Variants in STK32A observed in about 807,000 individuals in gnomAD.
The protein encoded by STK32A is serine/threonine kinase 32A, also known as serine/threonine-protein kinase 32A.
Under a neutral mutation model 53.2 loss-of-function variants are expected in STK32A, and 41 were observed. That is an observed-to-expected ratio of 0.77 (90% CI 0.60 to 1.00). The LOEUF is 1.00. Among genes scored for constraint, STK32A ranks in the 50% least tolerant of loss-of-function variants. The pLI is 0.00. For synonymous variants in STK32A, 166 were observed against 162.8 expected (o/e 1.02, Z -0.15); for missense variants, 458 against 485.8 (o/e 0.94, Z 0.54).
chr5:147,325,535 G>C (rs1385539113), intron 5 of STK32A, among the ~76,000 whole-genome samples: 1 of 152,142 alleles, frequency 6.6e-6, no homozygotes, highest in Non-Finnish European at 1.5e-5. Flanking sequence ...GGTACCACAG[G>C]CCAGTTCTTT....
At position 147,324,851 on chromosome 5, in the gene STK32A, A is replaced by G. The variant is rs1225738241; in HGVS notation, c.434+780A>G. Among the ~76,000 whole-genome samples, 5 of 152,218 alleles carry G rather than the reference A, an allele frequency of 3.3e-5. No homozygotes were observed. In the East Asian group the frequency reaches 9.6e-4, roughly 29 times the overall value. ...AACATCAAAACATCTACTAATCAAC[A>G]TCAAAACAACTAGTGTTTACTGGTT... On this transcript the variant is annotated intron_variant, in intron 5 of 12. Transcript: ENST00000397936.
chr5:147,337,160 C>T (rs948920972), intron 5 of STK32A, among the ~76,000 whole-genome samples: 1 of 152,108 alleles, frequency 6.6e-6, no homozygotes, highest in African/African-American at 2.4e-5. Flanking sequence ...ATTGTATTTC[C>T]ACTCTGCTAT....
chr5:147,344,912 A>T (rs1340156202), intron 6 of STK32A, among the ~76,000 whole-genome samples: 1 of 152,188 alleles, frequency 6.6e-6, no homozygotes, highest in Non-Finnish European at 1.5e-5. Flanking sequence ...GGTCTCATCC[A>T]TGGCTTCACC....
At chr5:147,239,267 A>G (rs1753461864) in intron 1 of STK32A, among the ~76,000 whole-genome samples, 1 of 152,216 alleles carries the variant, frequency 6.6e-6, no homozygotes, top group African/African-American at 2.4e-5. Context: ...GTTGTTGAAT[A>G]AAGTATTGCT....
downstream of STK32A, among the ~76,000 whole-genome samples, chr5:147,389,395 T>A (rs1216545264): frequency 6.6e-6 from 1 of 152,168 alleles, no homozygotes; most frequent in South Asian, 2.1e-4. Context: ...GCCAGGTATG[T>A]TATCCGGTGT....
intron 4 of STK32A, among the ~76,000 whole-genome samples, chr5:147,310,505 C>G (rs778724194): frequency 1.3e-5 from 2 of 152,126 alleles, no homozygotes; most frequent in African/African-American, 4.8e-5. Flanking sequence ...TGACTCAGCA[C>G]GCCGGGCACC....
chr5:147,332,603 G>A (rs1424914490), intron 5 of STK32A, among the ~76,000 whole-genome samples: 1 of 152,090 alleles, frequency 6.6e-6, no homozygotes, highest in Non-Finnish European at 1.5e-5. Context: ...CATCTGTGGA[G>A]TGCTTAAGAA....
chr5:147,243,534 C>T lies in STK32A; in HGVS notation c.52+3848C>T, dbSNP rs956194835. On this transcript the variant is annotated intron_variant, in intron 2 of 12. Coordinates refer to ENST00000397936, the MANE Select transcript of STK32A (RefSeq NM_001112724.2). ...CGGGCAGATCACGAGGTCAAGAGAT[C>T]GAAACCATCCTGGCCAACATGGTGA... Among the ~76,000 whole-genome samples the T allele has an allele frequency of 5.2e-5, 7 of 135,420 alleles. 2 individuals carry two copies. The highest frequency in any genetic ancestry group is 8.1e-5 in the Non-Finnish European group (5 of 61,886). 88.8% of individuals were successfully genotyped at this position (135,420 alleles called of 152,430 possible).
intron 5 of STK32A, among the ~76,000 whole-genome samples, chr5:147,330,781 T>G (rs1754829903): frequency 6.6e-6 from 1 of 152,252 alleles, no homozygotes; most frequent in Non-Finnish European, 1.5e-5. Flanking sequence ...CCAAGAAGGC[T>G]GCCCACCTGT....
At position 147,384,622 on chromosome 5, in the gene STK32A, T is replaced by C; in HGVS notation, c.*639T>C. Reference sequence around the variant, plus strand: ...GTGCACACCACTTCCCAGCTCCCTCTTCAACAATGTGAAAGTGGTAACTTG... The same window carrying C: ...GTGCACACCACTTCCCAGCTCCCTCCTCAACAATGTGAAAGTGGTAACTTG... On this transcript the variant is annotated 3_prime_UTR_variant, in exon 13 of 13. Coordinates refer to ENST00000397936, the MANE Select transcript of STK32A (RefSeq NM_001112724.2). 2.2e-6 allele frequency: 1 copy of C among 451,652 alleles called. No individual in the cohort carries two copies. 28.0% of individuals were successfully genotyped at this position (451,652 alleles called of 1,614,324 possible). A position where few individuals can be genotyped will look rare whatever the true frequency, so the allele number is the denominator to read the frequency against.
At chr5:147,278,693 C>T (rs1208167039) in intron 3 of STK32A, among the ~76,000 whole-genome samples, 3 of 152,154 alleles carry the variant, frequency 2.0e-5, no homozygotes, top group South Asian at 2.1e-4. Flanking sequence ...TGGAGACATA[C>T]TTTAAGAGAA....
chr5:147,360,450 CAA>C (rs56690647), intron 7 of STK32A, among the ~76,000 whole-genome samples: 24 of 81,172 alleles, frequency 3.0e-4, no homozygotes, highest in African/African-American at 4.0e-4. Flanking sequence ...GATTCTGTCT[CAA>C]AAAAAAAAAA....
chr5:147,400,793 T>C, the STK32A span: 1 of 1,614,170 alleles, frequency 6.2e-7, no homozygotes, highest in Non-Finnish European at 8.5e-7. Context: ...TGGGCAGTGC[T>C]GAAGGTGCAG....
intron 7 of STK32A, among the ~76,000 whole-genome samples, chr5:147,356,839 C>T (rs1396424347): frequency 6.6e-6 from 1 of 151,972 alleles, no homozygotes; most frequent in African/African-American, 2.4e-5. Context: ...CACTTCTGGT[C>T]CCAAGTATTT....
intron 5 of STK32A, among the ~76,000 whole-genome samples, chr5:147,339,899 G>A (rs959945543): frequency 1.3e-5 from 2 of 152,166 alleles, no homozygotes; most frequent in South Asian, 4.1e-4. Context: ...GATTTTACAG[G>A]CTCATAGGCA....
At chr5:147,283,286 G>A (rs141724316) in intron 4 of STK32A, among the ~76,000 whole-genome samples, 21 of 152,176 alleles carry the variant, frequency 1.4e-4, no homozygotes, top group African/African-American at 4.8e-4. Context: ...CTAGGATACA[G>A]CAAAGGCGGT....
At chr5:147,292,035 A>G (rs922366267) in intron 4 of STK32A, among the ~76,000 whole-genome samples, 11 of 152,220 alleles carry the variant, frequency 7.2e-5, no homozygotes, top group Non-Finnish European at 1.3e-4. Context: ...TGCCTGTAGC[A>G]TCTACATAAA....
chr5:147,367,135 G>A lies in STK32A; in HGVS notation c.661-3519G>A, dbSNP rs1472418942. Among the ~76,000 whole-genome samples the A allele has an allele frequency of 3.3e-5, 5 of 151,280 alleles. No individual in the cohort carries two copies. In the South Asian group the frequency reaches 8.4e-4, roughly 25 times the overall value. On this transcript the variant is annotated intron_variant, in intron 8 of 12. Transcript: ENST00000397936. ...GGCTGGAGTGCAATGGCCCAATCTC[G>A]GCTCACTGCAACCACCCCCTCCTCT...
chr5:147,263,596 T>C (rs1395022657), intron 2 of STK32A, among the ~76,000 whole-genome samples: 1 of 151,988 alleles, frequency 6.6e-6, no homozygotes, highest in Non-Finnish European at 1.5e-5. Context: ...AAAATTTGCT[T>C]TGGGAAAAAA....
Sources: allele counts gnomAD v4.1 joint callset (sites outside exome capture counted in the v4.1 genomes callset), GRCh38; gene constraint gnomAD v4.1.1; transcripts MANE v1.5; gene names NCBI Gene and HGNC (gene_info 2026-07-23, HGNC 2026-07-21).